SIMC1: variants seen among roughly 807,000 people sequenced by gnomAD.
SIMC1 encodes SUMO-interacting motif-containing protein 1.
In SIMC1, 55 loss-of-function variants were observed where a neutral mutation model predicts 82.3. The observed-to-expected ratio is 0.67, with a 90% CI of 0.54 to 0.84. The LOEUF (loss-of-function observed/expected upper bound fraction) is 0.84. SIMC1 is among the 40% of genes least tolerant of loss of function. The pLI, the probability that SIMC1 is intolerant of heterozygous loss-of-function variation, is 0.00. For synonymous variants in SIMC1, 353 were observed against 426.3 expected (o/e 0.83, Z 2.12); for missense variants, 915 against 1,107.2 (o/e 0.83, Z 2.46).
At chr5:176,327,398 A>ACCTTCTTGACCTATCATTTTCC (rs1765440166) in intron 7 of SIMC1, among the ~76,000 whole-genome samples, 2 of 152,212 alleles carry the variant, frequency 1.3e-5, no homozygotes, top group African/African-American at 4.8e-5. Flanking sequence ...AAATGCATAT[A>ACCTTCTTGACCTATCATTTTCC]CCTTCTTGAC....
intron 5 of SIMC1, among the ~76,000 whole-genome samples, chr5:176,318,450 A>C (rs1189047700): frequency 2.6e-5 from 4 of 152,180 alleles, no homozygotes; most frequent in African/African-American, 9.7e-5. Flanking sequence ...TTTCTTCTCA[A>C]AAATCTGAGG....
chr5:176,296,341 A>G, intron 4 of SIMC1, 21 bp downstream of exon 4: 1 of 1,612,988 alleles, frequency 6.2e-7, no homozygotes. Context: ...TTATAAGATT[A>G]TATCTTCTGT....
At chr5:176,329,959 A>G (rs1404199643) in intron 7 of SIMC1, among the ~76,000 whole-genome samples, 1 of 152,212 alleles carries the variant, frequency 6.6e-6, no homozygotes, top group Non-Finnish European at 1.5e-5. Flanking sequence ...GCTTGTTTAC[A>G]TATATTATAT....
In SIMC1 at chr5:176,289,679, C is replaced by A. The variant is rs369118054; in HGVS notation, c.155C>A (p.Thr52Asn). ...TVDFIDLTRE[T>N]RPRTKDRSGL... ...GACTTCATTGACTTAACTAGAGAGA[C>A]CAGACCAAGGACAAAAGATCGCAGT... is the stretch of plus-strand genomic sequence containing the variant. The change falls in exon 2 of 10, where the codon ACC becomes AAC. Residue 52 changes from threonine to asparagine, a missense_variant. Around this residue, in one of 2 missense-constraint regions of SIMC1, gnomAD observed 902 missense variants for 1,040.3 expected, o/e 0.87. Transcript: ENST00000429602. The A allele has an allele frequency of 3.7e-6, 6 of 1,604,152 alleles. No homozygotes were observed. The South Asian group carries it at 5.6e-5, about 15-fold the overall frequency.
rs114761038 is a variant in SIMC1 at position 176,272,611 on chromosome 5, C to T, written c.130-17043C>T. On this transcript the variant is annotated intron_variant, in intron 1 of 9. Transcript: ENST00000429602. ...GTGCACGACAGTGGGTGCAGCCCAC[C>T]GAGCAAGAGCTGAAGCAGGGTGAGG... Among the ~76,000 whole-genome samples, 457 of 152,220 alleles carry T rather than the reference C, an allele frequency of 3.0e-3. 1 individual carries two copies. The highest frequency in any genetic ancestry group is 0.01 in the Middle Eastern group (3 of 294).
At chr5:176,325,115 C>T (rs75403290) in intron 7 of SIMC1, among the ~76,000 whole-genome samples, 4,866 of 152,260 alleles carry the variant, frequency 0.032, 88 homozygotes, top group African/African-American at 0.049. Context: ...TGCAGTGACT[C>T]GTACCTGTAA....
rs1222746621 is a variant in SIMC1 at position 176,319,666 on chromosome 5, A to G, written c.1890-2607A>G. 3.3e-5 allele frequency among the ~76,000 whole-genome samples: 5 copies of G among 152,240 alleles called. No homozygotes were observed. The East Asian group carries it at 7.7e-4, about 23-fold the overall frequency. On this transcript the variant is annotated intron_variant, in intron 5 of 9. Coordinates refer to ENST00000429602, the MANE Select transcript of SIMC1 (RefSeq NM_001308195.2). ...CATAGCAAGACCCTGACTCTGCAAA[A>G]GAAAATAATATAAACTGTATTCTTA...
rs865801783 is a variant in SIMC1 at position 176,305,822 on chromosome 5, G to A, written c.1735-7869G>A. On this transcript the variant is annotated intron_variant, in intron 4 of 9. Transcript: ENST00000429602. ...AGGGAGGTGGGGGCGTCAGCCCCCC[G>A]CCCGGCCAGCCGCCCCGTCCGGGAG... Among the ~76,000 whole-genome samples the A allele has an allele frequency of 4.1e-4, 22 of 53,668 alleles. 2 individuals carry two copies. Among genetic ancestry groups the A allele is most frequent in the African/African-American group, 8.7e-4 (11 of 12,680 alleles). 35.2% of individuals were successfully genotyped at this position (53,668 alleles called of 152,430 possible).
intron 4 of SIMC1, among the ~76,000 whole-genome samples, chr5:176,304,604 G>A (rs1270908425): frequency 4.7e-5 from 7 of 147,862 alleles, no homozygotes; most frequent in East Asian, 2.1e-4. Context: ...CTGCCCGGCC[G>A]CCACCCCGTC....
chr5:176,286,363 C>G (rs574338648), intron 1 of SIMC1, among the ~76,000 whole-genome samples: 52 of 152,356 alleles, frequency 3.4e-4, no homozygotes, highest in African/African-American at 1.2e-3. Flanking sequence ...CTTTGACAAA[C>G]CTGACAAAAA....
chr5:176,260,676 CT>C (rs1243751555), intron 1 of SIMC1, among the ~76,000 whole-genome samples: 2 of 151,918 alleles, frequency 1.3e-5, no homozygotes, highest in Admixed American at 1.3e-4. Flanking sequence ...AGTAATATGT[CT>C]TTTTTTATTT....
intron 1 of SIMC1, among the ~76,000 whole-genome samples, chr5:176,250,167 C>T (rs1038807133): frequency 2.0e-5 from 3 of 152,090 alleles, no homozygotes; most frequent in South Asian, 2.1e-4. Flanking sequence ...GCCTTAATGT[C>T]GTTATTTACC....
chr5:176,252,301 G>A (rs557326365), intron 1 of SIMC1, among the ~76,000 whole-genome samples: 4 of 151,952 alleles, frequency 2.6e-5, no homozygotes, highest in African/African-American at 9.7e-5. Flanking sequence ...GGTGGCTGCC[G>A]GGCGGAGACG....
At chr5:176,271,032 A>G (rs1408225146) in intron 1 of SIMC1, among the ~76,000 whole-genome samples, 2 of 152,120 alleles carry the variant, frequency 1.3e-5, no homozygotes, top group Admixed American at 6.6e-5. Context: ...CCCTTCCCCA[A>G]CTTCAGGCAG....
intron 6 of SIMC1, chr5:176,322,670 G>A: frequency 2.3e-6 from 1 of 442,340 alleles, no homozygotes; most frequent in East Asian, 3.4e-5. Context: ...CAACGCAGAT[G>A]CAAAACAAAT....
At chr5:176,320,640 G>T (rs1167434704) in intron 5 of SIMC1, among the ~76,000 whole-genome samples, 4 of 152,082 alleles carry the variant, frequency 2.6e-5, no homozygotes, top group African/African-American at 9.7e-5. Context: ...AAAGTGCTGG[G>T]ATTACAAAGT....
At chr5:176,319,197 C>G (rs553188265) in intron 5 of SIMC1, among the ~76,000 whole-genome samples, 1 of 152,304 alleles carries the variant, frequency 6.6e-6, no homozygotes, top group South Asian at 2.1e-4. Context: ...GTAAAGTTCT[C>G]TTTTTGCCAA....
intron 1 of SIMC1, among the ~76,000 whole-genome samples, chr5:176,284,251 C>G (rs1212884821): frequency 6.6e-6 from 1 of 152,202 alleles, no homozygotes; most frequent in Non-Finnish European, 1.5e-5. Flanking sequence ...CATACTTATT[C>G]CAAAACTGAC....
At chr5:176,280,365 G>A (rs1446007097) in intron 1 of SIMC1, among the ~76,000 whole-genome samples, 1 of 152,042 alleles carries the variant, frequency 6.6e-6, no homozygotes, top group Non-Finnish European at 1.5e-5. Context: ...GAGCCTATGT[G>A]TGTCTCTGCA....
Sources: gnomAD v4.1 joint callset for allele counts (sites outside exome capture counted in the v4.1 genomes callset) on GRCh38, gnomAD v4.1.1 for gene constraint, gnomAD v4.1.1 regional missense constraint, MANE v1.5 for transcripts, NCBI Gene and HGNC (gene_info 2026-07-23, HGNC 2026-07-21) for gene names.